The following CLVS1 variants were observed in gnomAD, a reference collection of about 807,000 sequenced individuals.
CLVS1 encodes clavesin-1.
CLVS1 carries 10 observed loss-of-function variants against 33.1 expected under a neutral mutation model. That is an observed-to-expected ratio of 0.30 (90% confidence interval 0.19 to 0.51). CLVS1 has a LOEUF of 0.51. Among genes scored for constraint, CLVS1 ranks in the 20% least tolerant of loss-of-function variants. The probability of loss-of-function intolerance (pLI) is 0.97; values close to 1 mark genes in which losing one functional copy is unlikely to be tolerated. For missense variants in CLVS1, 343 were observed against 433.4 expected (o/e 0.79, Z 1.85); for synonymous variants, 163 against 166.1 (o/e 0.98, Z 0.14).
At chr8:61,335,470 A>C (rs534416545) in intron 2 of CLVS1, among the ~76,000 whole-genome samples, 7 of 152,334 alleles carry the variant, frequency 4.6e-5, no homozygotes, top group African/African-American at 1.2e-4. Flanking sequence ...GGCAGTTTCA[A>C]AACCAGAAAA....
the CLVS1 span, among the ~76,000 whole-genome samples, chr8:61,028,877 C>T: frequency 6.6e-6 from 1 of 152,212 alleles, no homozygotes; most frequent in Non-Finnish European, 1.5e-5. Context: ...CATATTCTTA[C>T]TGTCTGCTGG....
Position 61,384,190 on chromosome 8 carries a change from T to A in CLVS1, c.630+7411T>A, listed in dbSNP as rs1331326128. ...CAGTAGGAGAGAGAAACAGAATTAA[T>A]TTAATTTTTTTGGAATGCACAGGCA... On this transcript the variant is annotated intron_variant, in intron 3 of 5. Coordinates refer to ENST00000325897, the MANE Select transcript of CLVS1 (RefSeq NM_173519.3). 3.9e-5 allele frequency among the ~76,000 whole-genome samples: 6 copies of A among 152,302 alleles called. 1 individual carries two copies. The South Asian group carries it at 1.2e-3, about 32-fold the overall frequency.
At chr8:61,489,914 T>G (rs1804011003) in intron 5 of CLVS1, among the ~76,000 whole-genome samples, 1 of 152,240 alleles carries the variant, frequency 6.6e-6, no homozygotes, top group Admixed American at 6.5e-5. Flanking sequence ...GAGGGCAGAC[T>G]ACTTGTAGCA....
intron 2 of CLVS1, among the ~76,000 whole-genome samples, chr8:61,371,460 T>C (rs1813434329): frequency 6.6e-6 from 1 of 152,168 alleles, no homozygotes. Context: ...ATAGATGTCT[T>C]GCTGCAGCAC....
intron 3 of CLVS1, among the ~76,000 whole-genome samples, chr8:61,414,607 C>A (rs1159586246): frequency 1.3e-5 from 2 of 152,030 alleles, no homozygotes; most frequent in Non-Finnish European, 2.9e-5. Context: ...TCAGAGTCTC[C>A]CAGACTGTTA....
intron 1 of CLVS1, among the ~76,000 whole-genome samples, chr8:61,061,695 A>G (rs946686933): frequency 6.6e-6 from 1 of 151,608 alleles, no homozygotes; most frequent in African/African-American, 2.4e-5. Flanking sequence ...TATCTTTTTT[A>G]CGGAATCAGA....
intron 2 of CLVS1, among the ~76,000 whole-genome samples, chr8:61,249,843 A>C (rs1808895200): frequency 6.6e-6 from 1 of 152,020 alleles, no homozygotes; most frequent in Non-Finnish European, 1.5e-5. Context: ...ACATTGCAAA[A>C]ATTTTCTCCC....
intron 1 of CLVS1, among the ~76,000 whole-genome samples, chr8:61,070,722 C>T (rs573451206): frequency 6.6e-6 from 1 of 152,328 alleles, no homozygotes; most frequent in South Asian, 2.1e-4. Context: ...CACCTGTAGT[C>T]CCAGTTACTC....
At chr8:61,283,356 G>T (rs763894169), upstream of CLVS1, among the ~76,000 whole-genome samples, 1 of 152,178 alleles carries the variant, frequency 6.6e-6, no homozygotes, top group Admixed American at 6.5e-5. Context: ...TCTGGGATGA[G>T]TATCAGTATA....
intron 1 of CLVS1, among the ~76,000 whole-genome samples, chr8:61,075,879 C>A (rs1405637268): frequency 1.3e-5 from 2 of 152,226 alleles, no homozygotes; most frequent in East Asian, 3.8e-4. Context: ...CTTACATCTT[C>A]CATCTCCTGT....
intron 2 of CLVS1, among the ~76,000 whole-genome samples, chr8:61,219,056 G>T (rs16927019): frequency 0.066 from 10,087 of 152,246 alleles, 446 homozygotes; most frequent in East Asian, 0.15. Flanking sequence ...TCAGACAGAG[G>T]TGTTCATAGG....
At chr8:61,254,762 A>G (rs1245500593) in intron 2 of CLVS1, among the ~76,000 whole-genome samples, 2 of 152,062 alleles carry the variant, frequency 1.3e-5, no homozygotes, top group African/African-American at 2.4e-5. Context: ...TGCTAAGACC[A>G]CTGGAAAAGT....
chr8:61,433,844 G>A (rs1816206791), intron 3 of CLVS1, among the ~76,000 whole-genome samples: 1 of 152,158 alleles, frequency 6.6e-6, no homozygotes, highest in Non-Finnish European at 1.5e-5. Context: ...AACCCAGGAA[G>A]TGGAGGTTGC....
At chr8:61,011,301 A>G in the CLVS1 span, among the ~76,000 whole-genome samples, 2,926 of 152,238 alleles carry the variant, frequency 0.019, 86 homozygotes, top group African/African-American at 0.067. Context: ...TTACTGTCTC[A>G]GGAAATAATA....
Position 61,230,091 on chromosome 8 carries a change from G to A in CLVS1, c.-151-69586G>A, listed in dbSNP as rs76590257. On this transcript the variant is annotated intron_variant, in intron 2 of 2. Coordinates refer to the CLVS1 transcript ENST00000522621. ...CACTATGGTGAGGGGCCTCAGGGTC[G>A]GGGAAGGAGTGTTAGACTAAAAGGG... 5.8e-3 allele frequency among the ~76,000 whole-genome samples: 887 copies of A among 152,286 alleles called. 3 individuals are homozygous for A. Among genetic ancestry groups the A allele is most frequent in the African/African-American group, 0.02 (849 of 41,570 alleles).
At chr8:61,320,969 TAA>T (rs1811174731) in intron 2 of CLVS1, among the ~76,000 whole-genome samples, 1 of 152,184 alleles carries the variant, frequency 6.6e-6, no homozygotes, top group African/African-American at 2.4e-5. Context: ...AACTTAAAAA[TAA>T]AAGTGATCTT....
chr8:61,147,746 A>G (rs1183171062), intron 2 of CLVS1, among the ~76,000 whole-genome samples: 1 of 152,260 alleles, frequency 6.6e-6, no homozygotes, highest in African/African-American at 2.4e-5. Context: ...CTACCATAAA[A>G]GGAACTCAGC....
chr8:61,065,459 C>T (rs1358729186), intron 1 of CLVS1, among the ~76,000 whole-genome samples: 1 of 152,056 alleles, frequency 6.6e-6, no homozygotes, highest in East Asian at 1.9e-4. Flanking sequence ...ATAAAGGTTT[C>T]TGCTGTAACC....
chr8:61,220,726 A>T (rs1808190744), intron 2 of CLVS1, among the ~76,000 whole-genome samples: 1 of 152,042 alleles, frequency 6.6e-6, no homozygotes, highest in South Asian at 2.1e-4. Flanking sequence ...TGGGAATAGA[A>T]TTGGATCTGT....
Sources: gnomAD v4.1 joint callset for allele counts (sites outside exome capture counted in the v4.1 genomes callset) on GRCh38, gnomAD v4.1.1 for gene constraint, MANE v1.5 for transcripts, NCBI Gene and HGNC (gene_info 2026-07-23, HGNC 2026-07-21) for gene names.